Variants in WWC1 observed in about 807,000 individuals in gnomAD.
WWC1 encodes the protein WW and C2 domain containing 1, also known as protein KIBRA.
In WWC1, 55 loss-of-function variants were observed where a neutral mutation model predicts 138.4. The ratio of observed to expected loss-of-function variants is 0.40; its 90% CI spans 0.32 to 0.50. The LOEUF is 0.50. Among genes scored for constraint, WWC1 ranks in the 20% least tolerant of loss-of-function variants. The probability of loss-of-function intolerance (pLI) is 0.72; values close to 1 mark genes in which losing one functional copy is unlikely to be tolerated. For missense variants in WWC1, 1,226 were observed against 1,420.4 expected (o/e 0.86, Z 2.20); for synonymous variants, 524 against 564.9 (o/e 0.93, Z 1.03).
intron 8 of WWC1, among the ~76,000 whole-genome samples, chr5:168,413,384 T>C (rs984998659): frequency 2.0e-5 from 3 of 152,190 alleles, no homozygotes; most frequent in Non-Finnish European, 4.4e-5. Context: ...CCAATGATAA[T>C]AATACTGAAG....
chr5:168,405,971 C>T (rs185052824), intron 5 of WWC1, among the ~76,000 whole-genome samples: 2 of 152,204 alleles, frequency 1.3e-5, no homozygotes, highest in East Asian at 1.9e-4. Flanking sequence ...AAGTGATCCA[C>T]CTGCCTTGGC....
chr5:168,317,558 C>T (rs571630062), intron 1 of WWC1, among the ~76,000 whole-genome samples: 1 of 152,222 alleles, frequency 6.6e-6, no homozygotes, highest in Admixed American at 6.5e-5. Flanking sequence ...AGGCACTGAA[C>T]CCAGGACTTC....
At chr5:168,357,489 TGTGTGCGCGCGC>T (rs1400127822) in intron 1 of WWC1, among the ~76,000 whole-genome samples, 238 of 65,374 alleles carry the variant, frequency 3.6e-3, no homozygotes, top group Middle Eastern at 0.016. Flanking sequence ...TGTGTGTGTG[TGTGTGCGCGCGC>T]GCACGCATGC....
chr5:168,384,121 T>C (rs2152818046), intron 2 of WWC1, among the ~76,000 whole-genome samples: 1 of 152,178 alleles, frequency 6.6e-6, no homozygotes, highest in South Asian at 2.1e-4. Flanking sequence ...GGTGTTATCT[T>C]TATAATAGTG....
chr5:168,342,286 C>T (rs1024623357), intron 1 of WWC1, among the ~76,000 whole-genome samples: 3 of 152,218 alleles, frequency 2.0e-5, no homozygotes, highest in South Asian at 2.1e-4. Context: ...TAGGAGCTGA[C>T]GGAGCTGATG....
At chr5:168,467,456 G>C (rs1757396889) in intron 21 of WWC1, among the ~76,000 whole-genome samples, 1 of 152,192 alleles carries the variant, frequency 6.6e-6, no homozygotes, top group African/African-American at 2.4e-5. Context: ...GCTTGGGACT[G>C]AGTTTCCACC....
intron 1 of WWC1, among the ~76,000 whole-genome samples, chr5:168,347,766 C>CA (rs563027376): frequency 5.9e-4 from 87 of 148,276 alleles, no homozygotes; most frequent in African/African-American, 1.8e-3. Flanking sequence ...AAGGTCAGTC[C>CA]AAAAAAAAAA....
intron 1 of WWC1, among the ~76,000 whole-genome samples, chr5:168,344,089 G>A (rs765573310): frequency 1.3e-5 from 2 of 152,190 alleles, no homozygotes; most frequent in Non-Finnish European, 2.9e-5. Flanking sequence ...ATTTGGAATG[G>A]AACTCTTCTG....
rs180722946 is a variant in WWC1, at chr5:168,410,472, A to T, written c.941+477A>T. Among the ~76,000 whole-genome samples the T allele has an allele frequency of 4.6e-5, 7 of 152,390 alleles. No individual in the cohort carries two copies. The East Asian group carries it at 1.3e-3, about 29-fold the overall frequency. On this transcript the variant is annotated intron_variant, in intron 8 of 22. Transcript: ENST00000265293. ...TCTGTGGCTTCACAGAATCCTAAGCAATCAGGTTCCACTACCACAAGTAAA... is the reference window on the plus strand; with the variant it reads ...TCTGTGGCTTCACAGAATCCTAAGCTATCAGGTTCCACTACCACAAGTAAA...
chr5:168,461,064 C>T (rs1162987739), intron 20 of WWC1, among the ~76,000 whole-genome samples: 2 of 152,198 alleles, frequency 1.3e-5, no homozygotes, highest in East Asian at 3.9e-4. Context: ...CCCCGTGGCT[C>T]ACACCTGTAA....
intron 3 of WWC1, among the ~76,000 whole-genome samples, chr5:168,392,396 C>A (rs1410564600): frequency 2.0e-5 from 3 of 152,104 alleles, no homozygotes; most frequent in Admixed American, 2.0e-4. Flanking sequence ...CAAGTCCAGC[C>A]AAATCATATG....
rs148483568 is a variant in WWC1 at position 168,324,688 on chromosome 5, C to T, written c.119+32417C>T. ...AATGGCAAATTGGTAGACTTAAATC[C>T]AGCTATATCAATAATTCAGTAAAAG... On this transcript the variant is annotated intron_variant, in intron 1 of 22. Coordinates refer to ENST00000265293, the MANE Select transcript of WWC1 (RefSeq NM_015238.3). Among the ~76,000 whole-genome samples the T allele has an allele frequency of 4.0e-3, 607 of 151,608 alleles. 6 individuals are homozygous for T. The highest frequency in any genetic ancestry group is 0.014 in the African/African-American group (560 of 41,334).
In WWC1 at chr5:168,444,587, T is replaced by A; in HGVS notation, c.2525+2T>A. ...CACACAGACACTGGAAGACAGCTGG[T>A]GAGTGAGCCCGCCCTTGGGCCCCAG... is the stretch of plus-strand genomic sequence containing the variant. On this transcript the variant is annotated splice_donor_variant, in intron 17 of 22. Transcript: ENST00000265293. LOFTEE classifies it high-confidence loss of function. 6.2e-7 allele frequency: 1 copy of A among 1,613,122 alleles called. No individual in the cohort carries two copies. The highest frequency in any genetic ancestry group is 8.5e-7 in the Non-Finnish European group (1 of 1,179,800).
At chr5:168,400,185 T>A (rs996721171) in intron 5 of WWC1, among the ~76,000 whole-genome samples, 2 of 152,222 alleles carry the variant, frequency 1.3e-5, no homozygotes, top group African/African-American at 4.8e-5. Context: ...TTCTTTTTTT[T>A]AACTTTTATT....
intron 17 of WWC1, among the ~76,000 whole-genome samples, chr5:168,448,286 C>T (rs1454964855): frequency 2.6e-5 from 4 of 152,154 alleles, no homozygotes; most frequent in Non-Finnish European, 4.4e-5. Flanking sequence ...AAAGGCTGTC[C>T]GTCTGTTCCA....
At chr5:168,341,665 T>C (rs1378615611) in intron 1 of WWC1, among the ~76,000 whole-genome samples, 1 of 151,788 alleles carries the variant, frequency 6.6e-6, no homozygotes, top group African/African-American at 2.4e-5. Flanking sequence ...GAGAATATCA[T>C]TCCTCTTCAA....
chr5:168,411,981 C>T (rs1316835841), intron 8 of WWC1: 21 of 985,236 alleles, frequency 2.1e-5, no homozygotes, highest in Non-Finnish European at 2.4e-5. Flanking sequence ...TAGAAAAAAA[C>T]AGATGTCCTA....
At chr5:168,418,881 C>T (rs1161912595) in intron 9 of WWC1, among the ~76,000 whole-genome samples, 1 of 152,114 alleles carries the variant, frequency 6.6e-6, no homozygotes, top group Non-Finnish European at 1.5e-5. Flanking sequence ...TTACGGGTTC[C>T]ATCTGCCAAC....
intron 1 of WWC1, among the ~76,000 whole-genome samples, chr5:168,332,721 T>A (rs1274311075): frequency 6.6e-6 from 1 of 152,084 alleles, no homozygotes; most frequent in Non-Finnish European, 1.5e-5. Context: ...TTTTTCTTTT[T>A]TTTTTGTGAC....
Sources: gnomAD v4.1 joint callset for allele counts (sites outside exome capture counted in the v4.1 genomes callset) on GRCh38, gnomAD v4.1.1 for gene constraint, MANE v1.5 for transcripts, NCBI Gene and HGNC (gene_info 2026-07-23, HGNC 2026-07-21) for gene names.